The following MAMLD1 variants were observed in gnomAD, a reference collection of about 807,000 sequenced individuals.
MAMLD1 encodes the protein mastermind like domain containing 1.
Under a neutral mutation model 45.0 loss-of-function variants are expected in MAMLD1, and 14 were observed. The observed-to-expected ratio is 0.31, with a 90% CI of 0.21 to 0.49. The LOEUF (loss-of-function observed/expected upper bound fraction) is 0.49, where lower values mean the gene tolerates loss of function less well. Among genes scored for constraint, MAMLD1 ranks in the 20% least tolerant of loss-of-function variants. The pLI, the probability that MAMLD1 is intolerant of heterozygous loss-of-function variation, is 0.99. For synonymous variants in MAMLD1, 254 were observed against 247.8 expected, an observed-to-expected ratio of 1.02 and a Z score of -0.24; for missense variants, 543 against 603.6, an observed-to-expected ratio of 0.90 and a Z score of 1.05.
intron 5 of MAMLD1, among the ~76,000 whole-genome samples, chrX:150,493,554 T>C (rs1456120336): frequency 9.0e-6 from 1 of 111,367 alleles, no homozygotes; most frequent in Non-Finnish European, 1.9e-5. Context: ...AAATAGAACA[T>C]TCAGAATGTT....
intron 6 of MAMLD1, chrX:150,504,690 G>A (rs1217684314): frequency 4.0e-6 from 3 of 748,980 alleles, no homozygotes; most frequent in Middle Eastern, 7.5e-4. Context: ...AAGGATATCA[G>A]CTAGCTTGCC....
chrX:150,440,047 T>C (rs1484332416), intron 1 of MAMLD1, among the ~76,000 whole-genome samples: 1 of 112,130 alleles, frequency 8.9e-6, no homozygotes, highest in Non-Finnish European at 1.9e-5. Context: ...TACTATTGCT[T>C]TGTGGTAAGT....
At chrX:150,467,029 A>G (rs17252936) in intron 3 of MAMLD1, among the ~76,000 whole-genome samples, 9,567 of 86,392 alleles carry the variant, frequency 0.11, 461 homozygotes, top group Middle Eastern at 0.15. Context: ...CTGGTTCTGC[A>G]TTGCTTCGCC....
chrX:150,503,166 T>A, intron 5 of MAMLD1, 108 bp from the exon 6 acceptor site: 2 of 704,773 alleles, frequency 2.8e-6, no homozygotes, highest in East Asian at 6.4e-5. Context: ...TTGGTGGGTA[T>A]AACCACAACA....
At chrX:150,479,299 T>C (rs1557407023) in intron 5 of MAMLD1, among the ~76,000 whole-genome samples, 1 of 111,872 alleles carries the variant, frequency 8.9e-6, no homozygotes, top group Non-Finnish European at 1.9e-5. Flanking sequence ...CATCAGTTAG[T>C]GTGGTCAACC....
chrX:150,423,558 G>T (rs1476352492), intron 1 of MAMLD1, among the ~76,000 whole-genome samples: 1 of 110,219 alleles, frequency 9.1e-6, no homozygotes, highest in East Asian at 2.9e-4. Flanking sequence ...AGCTTAAAGA[G>T]GGGGCCCTTT....
At chrX:150,362,339 C>T (rs782460299), upstream of MAMLD1, among the ~76,000 whole-genome samples, 2 of 111,053 alleles carry the variant, frequency 1.8e-5, no homozygotes, top group Non-Finnish European at 3.8e-5. Context: ...GATGAGACTC[C>T]CGTCCCTGTG....
chrX:150,382,745 AG>A (rs1237990732), intron 1 of MAMLD1, among the ~76,000 whole-genome samples: 3 of 111,192 alleles, frequency 2.7e-5, no homozygotes, highest in Non-Finnish European at 5.7e-5. Flanking sequence ...AATATTTTCA[AG>A]GGAAATACAA....
chrX:150,508,875 G>A (rs1473576737), intron 6 of MAMLD1, among the ~76,000 whole-genome samples: 7 of 111,916 alleles, frequency 6.3e-5, no homozygotes, highest in African/African-American at 2.3e-4. Context: ...GTTGAGCAGA[G>A]ATGGCCGGGC....
intron 1 of MAMLD1, among the ~76,000 whole-genome samples, chrX:150,435,013 G>A (rs1241228144): frequency 9.0e-6 from 1 of 111,357 alleles, no homozygotes; most frequent in African/African-American, 3.3e-5. Context: ...GTGGAGAGTT[G>A]AAGTCTCCCA....
chrX:150,513,331 C>T lies in MAMLD1; in HGVS notation c.*1372C>T, dbSNP rs1243035863. On this transcript the variant is annotated 3_prime_UTR_variant, in exon 8 of 8. Transcript: ENST00000370401. The stretch of plus-strand genomic sequence containing the variant: ...TCATTTTGTGACTTTGTAAATAAAG[C>T]GACGGCTTTTGTTTCAGTAGAGTTG... The T allele has an allele frequency of 3.6e-5, 13 of 363,680 alleles. No individual in the cohort carries two copies. Among genetic ancestry groups the T allele is most frequent in the Non-Finnish European group, 6.1e-5 (13 of 212,644 alleles). The allele number at this position is 363,680 out of a possible 1,213,427, so 30.0% of individuals were successfully genotyped here. A position where few individuals can be genotyped will look rare whatever the true frequency, so the allele number is the denominator to read the frequency against.
At chrX:150,384,883 A>G (rs1557401995) in intron 1 of MAMLD1, among the ~76,000 whole-genome samples, 1 of 111,729 alleles carries the variant, frequency 9.0e-6, no homozygotes, top group Non-Finnish European at 1.9e-5. Context: ...AAATTAATTA[A>G]CACATCCATT....
intron 2 of MAMLD1, among the ~76,000 whole-genome samples, chrX:150,459,138 G>T (rs782591690): frequency 1.8e-5 from 2 of 111,649 alleles, no homozygotes; most frequent in South Asian, 7.6e-4. Context: ...TTTTTATCAT[G>T]CCAGGAAAGG....
At chrX:150,460,711 C>T (rs782606524) in intron 2 of MAMLD1, among the ~76,000 whole-genome samples, 76 of 112,164 alleles carry the variant, frequency 6.8e-4, no homozygotes, top group African/African-American at 2.3e-3. Flanking sequence ...CCATATAGTA[C>T]GTGACTTCCA....
At chrX:150,508,341 A>C (rs1182647025) in intron 6 of MAMLD1, among the ~76,000 whole-genome samples, 3 of 111,203 alleles carry the variant, frequency 2.7e-5, no homozygotes, top group African/African-American at 9.8e-5. Flanking sequence ...TTGAGAAGGC[A>C]GATCCCACCC....
In MAMLD1 at chrX:150,470,788, T is replaced by C. The variant is rs937454747; in HGVS notation, c.1215T>C (p.Tyr405=). The part of the protein sequence containing the change: ...SNAALGPAMP[Y]APEKLPSPAL... ...CTGCCCTGGGGCCCGCCATGCCCTATGCTCCTGAGAAGCTCCCCAGCCCTG... is the reference window on the plus strand; with the variant it reads ...CTGCCCTGGGGCCCGCCATGCCCTACGCTCCTGAGAAGCTCCCCAGCCCTG... The change falls in exon 4 of 8, where the codon TAT becomes TAC. Residue 405 remains tyrosine, a synonymous_variant. Coordinates refer to ENST00000370401, the MANE Select transcript of MAMLD1 (RefSeq NM_005491.5). 1.6e-6 allele frequency: 2 copies of C among 1,212,195 alleles called. No homozygotes were observed. Among genetic ancestry groups the C allele is most frequent in the Admixed American group, 2.2e-5 (1 of 46,134 alleles).
intron 1 of MAMLD1, among the ~76,000 whole-genome samples, chrX:150,397,605 G>A (rs1410425417): frequency 9.0e-6 from 1 of 111,486 alleles, no homozygotes; most frequent in African/African-American, 3.3e-5. Context: ...ATTTGTGACA[G>A]TTCATCCCAC....
At chrX:150,370,694 C>G (rs1420634446) in intron 1 of MAMLD1, among the ~76,000 whole-genome samples, 1 of 111,878 alleles carries the variant, frequency 8.9e-6, no homozygotes, top group Non-Finnish European at 1.9e-5. Flanking sequence ...GCCTCCACCC[C>G]CCCAGCTCTG....
chrX:150,412,085 C>T (rs2034136807), intron 1 of MAMLD1, among the ~76,000 whole-genome samples: 1 of 112,004 alleles, frequency 8.9e-6, no homozygotes, highest in African/African-American at 3.2e-5. Context: ...CATAATCAAA[C>T]ACTTATTAAG....
Sources: gnomAD v4.1 joint callset for allele counts (sites outside exome capture counted in the v4.1 genomes callset) on GRCh38, gnomAD v4.1.1 for gene constraint, MANE v1.5 for transcripts, NCBI Gene and HGNC (gene_info 2026-07-23, HGNC 2026-07-21) for gene names.